Variants in CMSS1 observed in about 807,000 individuals in gnomAD.
CMSS1 encodes cms1 ribosomal small subunit homolog.
A neutral mutation model predicts 43.5 loss-of-function variants in CMSS1; 33 were observed. That is an observed-to-expected ratio of 0.76 (90% CI 0.57 to 1.01). CMSS1 has a LOEUF of 1.01. Among genes scored for constraint, CMSS1 ranks in the 50% least tolerant of loss-of-function variants. The probability of loss-of-function intolerance (pLI) is 0.00; values close to 1 mark genes in which losing one functional copy is unlikely to be tolerated. For synonymous variants in CMSS1, 115 were observed against 117.2 expected (o/e 0.98, Z 0.12); for missense variants, 313 against 326.4 (o/e 0.96, Z 0.32).
chr3:99,818,851 A>T (rs1942376341), intron 1 of CMSS1, among the ~76,000 whole-genome samples: 1 of 152,228 alleles, frequency 6.6e-6, no homozygotes, highest in Admixed American at 6.5e-5. Context: ...TTCATCCCCA[A>T]GTAGAGTAGC....
intron 1 of CMSS1, among the ~76,000 whole-genome samples, chr3:99,874,997 G>A (rs1397579813): frequency 1.3e-5 from 2 of 152,096 alleles, no homozygotes; most frequent in Admixed American, 6.5e-5. Context: ...AGTTTGAATT[G>A]TATATACTTA....
intron 2 of CMSS1, among the ~76,000 whole-genome samples, chr3:100,151,649 C>T (rs2066909741): frequency 6.6e-6 from 1 of 152,150 alleles, no homozygotes; most frequent in African/African-American, 2.4e-5. Context: ...TTAGTAAATC[C>T]AGTCCACATT....
At chr3:99,835,778 A>G (rs145835289) in intron 1 of CMSS1, among the ~76,000 whole-genome samples, 4 of 152,376 alleles carry the variant, frequency 2.6e-5, no homozygotes, top group East Asian at 1.9e-4. Context: ...ATGACGTGCA[A>G]TAATAGAATT....
At chr3:99,894,820 A>G (rs1315881076) in intron 1 of CMSS1, among the ~76,000 whole-genome samples, 1 of 152,190 alleles carries the variant, frequency 6.6e-6, no homozygotes, top group African/African-American at 2.4e-5. Flanking sequence ...CAAGGTTTAT[A>G]TGTACTCCTA....
At chr3:100,009,916 C>T (rs1253212211) in intron 1 of CMSS1, among the ~76,000 whole-genome samples, 1 of 152,208 alleles carries the variant, frequency 6.6e-6, no homozygotes, top group Admixed American at 6.5e-5. Flanking sequence ...CACTTTCTTT[C>T]ACCATTGCTT....
intron 1 of CMSS1, among the ~76,000 whole-genome samples, chr3:99,966,490 G>T (rs979621169): frequency 1.3e-5 from 2 of 151,908 alleles, no homozygotes; most frequent in Admixed American, 6.6e-5. Flanking sequence ...GATTGTTTTT[G>T]TGCAGAGCCC....
intron 1 of CMSS1, among the ~76,000 whole-genome samples, chr3:100,022,889 C>T (rs2064851469): frequency 6.6e-6 from 1 of 152,152 alleles, no homozygotes; most frequent in Non-Finnish European, 1.5e-5. Flanking sequence ...CACCTCTGAG[C>T]CATGCTTTTT....
chr3:99,875,426 C>T (rs1215329944), intron 1 of CMSS1, among the ~76,000 whole-genome samples: 1 of 152,168 alleles, frequency 6.6e-6, no homozygotes, highest in African/African-American at 2.4e-5. Flanking sequence ...TGAGGTTTGT[C>T]ATTTTTCCAA....
At chr3:99,999,607 A>G (rs1374451506) in intron 1 of CMSS1, among the ~76,000 whole-genome samples, 1 of 152,206 alleles carries the variant, frequency 6.6e-6, no homozygotes, top group African/African-American at 2.4e-5. Flanking sequence ...AATCTGTTAG[A>G]GAGGATCTCG....
Position 99,865,770 on chromosome 3 carries a change from A to C in CMSS1, c.64+47727A>C, listed in dbSNP as rs183009365. Among the ~76,000 whole-genome samples the C allele has an allele frequency of 9.5e-4, 145 of 151,906 alleles. No homozygotes were observed. The East Asian group carries it at 0.019, about 20-fold the overall frequency. On this transcript the variant is annotated intron_variant, in intron 1 of 9. Transcript: ENST00000421999. ...CATAATAATAAATATATATATATAT[A>C]TCCTTAGAAATATGTGTGTATGTAT...
intron 1 of CMSS1, chr3:99,874,418 T>C (rs1314813454): frequency 3.3e-5 from 5 of 152,186 alleles, no homozygotes; most frequent in South Asian, 2.1e-4. Flanking sequence ...AACTCTTCCA[T>C]TGCATATTCT....
chr3:99,958,240 A>AT (rs1009001775), intron 1 of CMSS1, among the ~76,000 whole-genome samples: 3 of 142,910 alleles, frequency 2.1e-5, no homozygotes, highest in African/African-American at 7.7e-5. Context: ...TATTATTATT[A>AT]TTATTATTAT....
At chr3:99,961,116 A>G (rs895729387) in intron 1 of CMSS1, among the ~76,000 whole-genome samples, 7 of 152,222 alleles carry the variant, frequency 4.6e-5, no homozygotes, top group Non-Finnish European at 1.0e-4. Context: ...GGAAAATGCA[A>G]TAAATCTAAA....
chr3:99,850,166 G>C, intron 1 of CMSS1: 1 of 1,610,504 alleles, frequency 6.2e-7, no homozygotes, highest in Non-Finnish European at 8.5e-7. Flanking sequence ...ATTGTTTTCC[G>C]TTCATCTACA....
chr3:99,902,957 C>T (rs896131384), intron 1 of CMSS1, among the ~76,000 whole-genome samples: 2 of 152,158 alleles, frequency 1.3e-5, no homozygotes, highest in African/African-American at 4.8e-5. Flanking sequence ...GACAAATACT[C>T]CTGTTCACCT....
At chr3:99,998,931 A>G (rs539590693) in intron 1 of CMSS1, among the ~76,000 whole-genome samples, 1 of 152,324 alleles carries the variant, frequency 6.6e-6, no homozygotes, top group East Asian at 1.9e-4. Context: ...GTTCTCCACT[A>G]TCTTTGGCAT....
chr3:99,943,859 C>T (rs1358971058), intron 1 of CMSS1, among the ~76,000 whole-genome samples: 1 of 152,178 alleles, frequency 6.6e-6, no homozygotes, highest in Non-Finnish European at 1.5e-5. Flanking sequence ...TTACTTCCCT[C>T]GCAACTTCTG....
At chr3:100,056,728 G>C (rs1468907253) in intron 1 of CMSS1, among the ~76,000 whole-genome samples, 1 of 151,608 alleles carries the variant, frequency 6.6e-6, no homozygotes, top group Non-Finnish European at 1.5e-5. Flanking sequence ...GGCCGGGCGC[G>C]GTGGCTCACG....
At chr3:100,037,543 G>C (rs534255288) in intron 1 of CMSS1, among the ~76,000 whole-genome samples, 2 of 152,276 alleles carry the variant, frequency 1.3e-5, no homozygotes, top group East Asian at 3.9e-4. Context: ...AAGATAAACT[G>C]AGGAATACAA....
Sources: allele counts gnomAD v4.1 joint callset (sites outside exome capture counted in the v4.1 genomes callset), GRCh38; gene constraint gnomAD v4.1.1; transcripts MANE v1.5; gene names NCBI Gene and HGNC (gene_info 2026-07-23, HGNC 2026-07-21).